CLIP4: variants seen among roughly 807,000 people sequenced by gnomAD.
CLIP4 encodes the protein CAP-Gly domain-containing linker protein 4.
Under a neutral mutation model 73.1 loss-of-function variants are expected in CLIP4, and 47 were observed. The ratio of observed to expected loss-of-function variants is 0.64; its 90% CI spans 0.51 to 0.82. CLIP4 has a LOEUF of 0.82. Among genes scored for constraint, CLIP4 ranks in the 40% least tolerant of loss-of-function variants. The probability of loss-of-function intolerance (pLI) is 0.00; values close to 1 mark genes in which losing one functional copy is unlikely to be tolerated. For missense variants in CLIP4, 874 were observed against 852.9 expected (o/e 1.02, Z -0.31); for synonymous variants, 306 against 295.4 (o/e 1.04, Z -0.37).
intron 15 of CLIP4, among the ~76,000 whole-genome samples, chr2:29,176,470 C>G (rs893272253): frequency 2.0e-5 from 3 of 152,106 alleles, no homozygotes; most frequent in Non-Finnish European, 2.9e-5. Context: ...CACGTTTGGC[C>G]CCTGTGAGTG....
At position 29,153,932 on chromosome 2, in the gene CLIP4, T is replaced by A. The variant is rs965746627; in HGVS notation, c.1165+1104T>A. On this transcript the variant is annotated intron_variant, in intron 9 of 15. Coordinates refer to ENST00000320081, the MANE Select transcript of CLIP4 (RefSeq NM_024692.6). ...TCACCCTTCCGTATACATTTTACAA[T>A]AAACTGTTAAGTTTCCTTTTAAAAA... is the stretch of plus-strand genomic sequence containing the variant. Among the ~76,000 whole-genome samples, 4 of 152,356 alleles carry A rather than the reference T, an allele frequency of 2.6e-5. No individual in the cohort carries two copies. The South Asian group carries it at 8.3e-4, about 32-fold the overall frequency.
intron 8 of CLIP4, among the ~76,000 whole-genome samples, chr2:29,149,410 C>CTTTT (rs71403647): frequency 7.2e-6 from 1 of 138,334 alleles, no homozygotes; most frequent in Non-Finnish European, 1.5e-5. Flanking sequence ...TTCTCCTTTT[C>CTTTT]TTTTTTTTTT....
intron 6 of CLIP4, among the ~76,000 whole-genome samples, chr2:29,141,840 G>A (rs528248672): frequency 6.6e-6 from 1 of 152,076 alleles, no homozygotes; most frequent in South Asian, 2.1e-4. Flanking sequence ...ATGTGAAGTT[G>A]AGCTCCTGTT....
At chr2:29,130,713 A>T in intron 2 of CLIP4, 10 of 1,221,498 alleles carry the variant, frequency 8.2e-6, no homozygotes, top group Non-Finnish European at 1.0e-5. Context: ...CTCTGCTTGT[A>T]TATGTGTCTT....
chr2:29,181,540 A>C, intron 15 of CLIP4, 32 bp from the exon 16 acceptor site: 3 of 1,524,802 alleles, frequency 2.0e-6, no homozygotes, highest in Non-Finnish European at 2.6e-6. Flanking sequence ...TTCAGCACTA[A>C]ATAATTTTTC....
At chr2:29,121,287 A>G (rs2148462822) in intron 1 of CLIP4, 87 bp from the exon 2 acceptor site, 2 of 1,285,352 alleles carry the variant, frequency 1.6e-6, no homozygotes, top group East Asian at 2.4e-5. Flanking sequence ...TTTGACGTCA[A>G]ATAACTTTTA....
intron 8 of CLIP4, among the ~76,000 whole-genome samples, chr2:29,150,276 T>C (rs1031627804): frequency 2.0e-5 from 3 of 152,172 alleles, no homozygotes; most frequent in Admixed American, 6.5e-5. Flanking sequence ...TTATGGTCAG[T>C]GGAAGTTGAA....
intron 2 of CLIP4, among the ~76,000 whole-genome samples, chr2:29,128,432 G>GT (rs534074263): frequency 9.4e-4 from 141 of 150,154 alleles, no homozygotes; most frequent in African/African-American, 3.4e-3. Context: ...CCATGTAGTT[G>GT]TTAAAAAAAA....
At position 29,181,986 on chromosome 2, in the gene CLIP4, T is replaced by C. The variant is rs565785947; in HGVS notation, c.*93T>C. On this transcript the variant is annotated 3_prime_UTR_variant, in exon 16 of 16. Coordinates refer to ENST00000320081, the MANE Select transcript of CLIP4 (RefSeq NM_024692.6). ...TTTACTTTATTTAGCCATATTAAAATTTTGAAAATATAGTTATCTTCTTAA... is the reference window on the plus strand; with the variant it reads ...TTTACTTTATTTAGCCATATTAAAACTTTGAAAATATAGTTATCTTCTTAA... 2.7e-6 allele frequency: 3 copies of C among 1,115,934 alleles called. No individual in the cohort carries two copies. The highest frequency in any genetic ancestry group is 1.8e-5 in the South Asian group (1 of 55,872). The allele number at this position is 1,115,934 out of a possible 1,614,324, so 69.1% of individuals were successfully genotyped here.
rs2147964395 is a variant in CLIP4, at chr2:29,135,686, G to A, written c.648+20G>A. On this transcript the variant is annotated intron_variant, in intron 6 of 15. Transcript: ENST00000320081. The stretch of plus-strand genomic sequence containing the variant: ...TTTAGGGTAAGAGGTTAAATTAAAA[G>A]TGAAAAATATTAAAAGAATTAAGAA... The A allele has an allele frequency of 2.0e-6, 3 of 1,497,198 alleles. No individual in the cohort carries two copies. The highest frequency in any genetic ancestry group is 1.4e-5 in the African/African-American group (1 of 71,420). 92.7% of individuals were successfully genotyped at this position (1,497,198 alleles called of 1,614,324 possible).
chr2:29,157,521 C>A, intron 11 of CLIP4, 174 bp downstream of exon 11: 2 of 919,344 alleles, frequency 2.2e-6, no homozygotes, highest in Non-Finnish European at 3.3e-6. Flanking sequence ...CTTTGTTTTG[C>A]CGTCTCAGAT....
chr2:29,145,363 G>C lies in CLIP4; in HGVS notation c.1017G>C (p.Lys339Asn). 2.5e-6 allele frequency: 4 copies of C among 1,604,718 alleles called. No homozygotes were observed. The highest frequency in any genetic ancestry group is 3.4e-6 in the Non-Finnish European group (4 of 1,173,334). ...GKVQYFKCAPKYGIFAPLSKI... is the reference protein window; with the variant it reads ...GKVQYFKCAPNYGIFAPLSKI... ...TCCAGTACTTTAAATGTGCCCCCAA[G>C]TATGGTAAGGTTGATATTATTTAAC... The change falls in exon 8 of 16, where the codon AAG becomes AAC. Residue 339 changes from lysine (K) to asparagine (N), a missense_variant. Physicochemically the swap from Lys to Asn is moderately conservative, Grantham distance 94. Coordinates refer to ENST00000320081, the MANE Select transcript of CLIP4 (RefSeq NM_024692.6).
chr2:29,107,831 C>A (rs1668272247), intron 1 of CLIP4, among the ~76,000 whole-genome samples: 1 of 152,158 alleles, frequency 6.6e-6, no homozygotes, highest in African/African-American at 2.4e-5. Context: ...AGACTACAAG[C>A]ACATGCTGCT....
intron 6 of CLIP4, among the ~76,000 whole-genome samples, chr2:29,141,036 A>G (rs1665729495): frequency 6.6e-6 from 1 of 151,806 alleles, no homozygotes; most frequent in African/African-American, 2.4e-5. Context: ...CTCTATTTTC[A>G]TTTGTTTCAA....
At chr2:29,177,087 CTG>C (rs1348933673) in intron 15 of CLIP4, among the ~76,000 whole-genome samples, 5 of 152,080 alleles carry the variant, frequency 3.3e-5, no homozygotes, top group Non-Finnish European at 7.4e-5. Flanking sequence ...GTTCTCTAAA[CTG>C]TATGCTTTTC....
At chr2:29,108,320 A>G (rs34158029) in intron 1 of CLIP4, among the ~76,000 whole-genome samples, 11,555 of 152,256 alleles carry the variant, frequency 0.076, 583 homozygotes, top group East Asian at 0.25. Context: ...CAAGCACTGG[A>G]TGGCCTGACA....
intron 2 of CLIP4, among the ~76,000 whole-genome samples, chr2:29,127,477 T>G (rs1184794934): frequency 6.6e-6 from 1 of 152,200 alleles, no homozygotes; most frequent in Non-Finnish European, 1.5e-5. Context: ...TTGCTGTAAG[T>G]TGTAGGTCTT....
intron 9 of CLIP4, 79 bp from the exon 10 acceptor site, chr2:29,156,275 G>A (rs1666916808): frequency 4.7e-6 from 4 of 849,526 alleles, no homozygotes; most frequent in African/African-American, 1.8e-5. Flanking sequence ...CGATAATGAG[G>A]GATGCATGTA....
At chr2:29,141,419 G>C (rs377206860) in intron 6 of CLIP4, among the ~76,000 whole-genome samples, 3 of 152,092 alleles carry the variant, frequency 2.0e-5, no homozygotes, top group Admixed American at 1.3e-4. Context: ...TTTCAGTGGG[G>C]TGTTGAAGTC....
Sources: allele counts gnomAD v4.1 joint callset (sites outside exome capture counted in the v4.1 genomes callset), GRCh38; gene constraint gnomAD v4.1.1; transcripts MANE v1.5; gene names NCBI Gene and HGNC (gene_info 2026-07-23, HGNC 2026-07-21).